Variants in CHIC2 observed in about 807,000 individuals in gnomAD.
The protein encoded by CHIC2 is cysteine-rich hydrophobic domain-containing protein 2.
Under a neutral mutation model 25.9 loss-of-function variants are expected in CHIC2, and 14 were observed. That is an observed-to-expected ratio of 0.54 (90% confidence interval 0.36 to 0.85). The LOEUF is 0.85. Ranked by LOEUF, CHIC2 falls within the 40% of genes least tolerant of loss-of-function variation. The pLI, the probability that CHIC2 is intolerant of heterozygous loss-of-function variation, is 0.01. For synonymous variants in CHIC2, 70 were observed against 72.0 expected (o/e 0.97, Z 0.14); for missense variants, 146 against 202.0 (o/e 0.72, Z 1.68).
At chr4:54,078,200 T>C in the CHIC2 span, among the ~76,000 whole-genome samples, 1 of 152,212 alleles carries the variant, frequency 6.6e-6, no homozygotes, top group Non-Finnish European at 1.5e-5. Flanking sequence ...CTCATGTATA[T>C]GTGAGATTTC....
chr4:54,077,431 A>G, the CHIC2 span, among the ~76,000 whole-genome samples: 1 of 152,146 alleles, frequency 6.6e-6, no homozygotes, highest in Non-Finnish European at 1.5e-5. Flanking sequence ...GTGCAGTGGA[A>G]AGGGTATATG....
At chr4:54,070,259 A>T in the CHIC2 span, among the ~76,000 whole-genome samples, 1 of 152,184 alleles carries the variant, frequency 6.6e-6, no homozygotes, top group African/African-American at 2.4e-5. Flanking sequence ...GCCAGATTGG[A>T]GTTGAGGTCA....
chr4:54,074,108 A>G, the CHIC2 span, among the ~76,000 whole-genome samples: 1 of 152,136 alleles, frequency 6.6e-6, no homozygotes, highest in Non-Finnish European at 1.5e-5. Flanking sequence ...CAGTGAGCCT[A>G]GATGGCACCA....
the CHIC2 span, among the ~76,000 whole-genome samples, chr4:54,075,527 AAGAAAAAAGT>A: frequency 2.6e-5 from 4 of 152,196 alleles, no homozygotes; most frequent in East Asian, 7.7e-4. Flanking sequence ...AAATCAGGCA[AAGAAAAAAGT>A]AGAAAAAATA....
the CHIC2 span, among the ~76,000 whole-genome samples, chr4:54,082,812 C>T: frequency 1.3e-5 from 2 of 152,138 alleles, no homozygotes; most frequent in African/African-American, 4.8e-5. Flanking sequence ...AGAAGAGACT[C>T]AGCATCCAAC....
At chr4:54,064,614 A>G (rs1717457896), upstream of CHIC2, 1 of 1,126,108 alleles carries the variant, frequency 8.9e-7, no homozygotes, top group Non-Finnish European at 1.1e-6. The surrounding 1 kb of genome is among the most constrained non-coding windows in gnomAD (Gnocchi z 4.2). Context: ...CCACAGCAAC[A>G]GCCCGAGCCA....
the CHIC2 span, among the ~76,000 whole-genome samples, chr4:54,070,373 G>T: frequency 2.0e-5 from 3 of 151,598 alleles, no homozygotes; most frequent in East Asian, 5.8e-4. Context: ...TATCAGATGT[G>T]CATTTTTATT....
the CHIC2 span, chr4:54,087,569 G>C: frequency 5.4e-6 from 6 of 1,106,556 alleles, no homozygotes; most frequent in Non-Finnish European, 6.1e-6. Context: ...TCACCCTGAT[G>C]CTCCTGTGTC....
At chr4:54,066,094 G>A (rs932562644), upstream of CHIC2, among the ~76,000 whole-genome samples, 1 of 152,224 alleles carries the variant, frequency 6.6e-6, no homozygotes, top group Non-Finnish European at 1.5e-5. Flanking sequence ...GGCTCATGGA[G>A]GAGGACACAG....
At chr4:54,037,346 C>T (rs1716420728) in intron 3 of CHIC2, among the ~76,000 whole-genome samples, 1 of 151,810 alleles carries the variant, frequency 6.6e-6, no homozygotes, top group South Asian at 2.1e-4. Context: ...GAATGAGACC[C>T]TATCTCAAAA....
chr4:54,010,213 T>C (rs1025608014), intron 5 of CHIC2, 68 bp from the exon 6 acceptor site: 6 of 1,099,306 alleles, frequency 5.5e-6, no homozygotes, highest in Non-Finnish European at 8.1e-6. Context: ...TTCAATTATA[T>C]GCTTTCACAA....
At chr4:54,011,874 A>G (rs1040631278) in intron 5 of CHIC2, among the ~76,000 whole-genome samples, 5 of 151,878 alleles carry the variant, frequency 3.3e-5, no homozygotes, top group Admixed American at 6.6e-5. Context: ...ATTATAATCA[A>G]GGATAATTAT....
At chr4:54,054,878 T>C (rs75379682) in intron 1 of CHIC2, among the ~76,000 whole-genome samples, 8 of 152,064 alleles carry the variant, frequency 5.3e-5, no homozygotes, top group Non-Finnish European at 1.2e-4. Flanking sequence ...CATCGATAAT[T>C]AGAAATCAAA....
intron 3 of CHIC2, among the ~76,000 whole-genome samples, chr4:54,026,239 G>GT (rs1000149790): frequency 1.6e-4 from 24 of 150,906 alleles, no homozygotes; most frequent in South Asian, 1.3e-3. Context: ...CAATTTTTTT[G>GT]TTTTTTTTTG....
intron 1 of CHIC2, chr4:54,060,754 T>C (rs1717308919): frequency 6.6e-6 from 1 of 152,178 alleles, no homozygotes; most frequent in African/African-American, 2.4e-5. Context: ...TGGTCAAGAC[T>C]ACCTAATAGT....
chr4:54,085,213 A>AT, the CHIC2 span, among the ~76,000 whole-genome samples: 1 of 152,170 alleles, frequency 6.6e-6, no homozygotes, highest in Non-Finnish European at 1.5e-5. Context: ...AGAATTGGTA[A>AT]TTTTATATTT....
upstream of CHIC2, among the ~76,000 whole-genome samples, chr4:54,065,600 C>T (rs1257466280): frequency 6.6e-6 from 1 of 152,186 alleles, no homozygotes; most frequent in African/African-American, 2.4e-5. Flanking sequence ...AACAGTTGAA[C>T]GGTCACTTTG....
chr4:54,072,336 A>G, the CHIC2 span, among the ~76,000 whole-genome samples: 4 of 151,996 alleles, frequency 2.6e-5, no homozygotes, highest in Admixed American at 1.3e-4. Context: ...AATCAACACC[A>G]TAAATATAAA....
the CHIC2 span, among the ~76,000 whole-genome samples, chr4:54,089,150 A>G: frequency 1.3e-5 from 2 of 152,338 alleles, no homozygotes; most frequent in South Asian, 4.1e-4. Context: ...CCCTACTTAT[A>G]ACATGAGATA....
Sources: allele counts gnomAD v4.1 joint callset (sites outside exome capture counted in the v4.1 genomes callset), GRCh38; gene constraint gnomAD v4.1.1; non-coding constraint Gnocchi (gnomAD v3.1); transcripts MANE v1.5; gene names NCBI Gene and HGNC (gene_info 2026-07-23, HGNC 2026-07-21).